DGKB: variants seen among roughly 807,000 people sequenced by gnomAD.
DGKB encodes 90 kDa diacylglycerol kinase.
In DGKB, 67 loss-of-function variants were observed where a neutral mutation model predicts 114.3. The ratio of observed to expected loss-of-function variants is 0.59; its 90% CI spans 0.48 to 0.72. The LOEUF (loss-of-function observed/expected upper bound fraction) is 0.72. Among genes scored for constraint, DGKB ranks in the 30% least tolerant of loss-of-function variants. DGKB has a pLI of 0.00. For synonymous variants in DGKB, 398 were observed against 323.1 expected (o/e 1.23, Z -2.49); for missense variants, 907 against 975.2 (o/e 0.93, Z 0.93).
chr7:14,951,088 G>C (rs1786178387), intron 1 of DGKB, among the ~76,000 whole-genome samples: 1 of 151,670 alleles, frequency 6.6e-6, no homozygotes, highest in Admixed American at 6.6e-5. Context: ...ACTAGGAATA[G>C]AAGGTAACTT....
intron 6 of DGKB, among the ~76,000 whole-genome samples, chr7:14,702,985 A>G (rs887322575): frequency 6.6e-6 from 1 of 152,238 alleles, no homozygotes; most frequent in African/African-American, 2.4e-5. Context: ...TAAGGGCAAT[A>G]ATACTAAACT....
At chr7:14,792,841 T>C (rs1840869050) in intron 2 of DGKB, among the ~76,000 whole-genome samples, 1 of 152,164 alleles carries the variant, frequency 6.6e-6, no homozygotes, top group African/African-American at 2.4e-5. Flanking sequence ...TATCTCATAA[T>C]ACTAGTCCCA....
At chr7:14,167,834 C>T (rs1784832936) in intron 25 of DGKB, among the ~76,000 whole-genome samples, 1 of 152,128 alleles carries the variant, frequency 6.6e-6, no homozygotes, top group South Asian at 2.1e-4. Context: ...ACAGCAACAA[C>T]AATAAATTAA....
rs75012628 is a variant in DGKB at position 14,630,466 on chromosome 7, G to A, written c.1135-198C>T. On this transcript the variant is annotated intron_variant, in intron 13 of 25. Coordinates refer to ENST00000402815, the MANE Select transcript of DGKB (RefSeq NM_001350709.2). ...TGAATAAGAAATTATCTAACACAGA[G>A]TGGGTTAGGTTGTGAAATTATTTAT... Among the ~76,000 whole-genome samples the A allele has an allele frequency of 3.2e-3, 491 of 152,114 alleles. 9 individuals are homozygous for A. In the East Asian group the frequency reaches 0.038, roughly 12 times the overall value.
intron 23 of DGKB, among the ~76,000 whole-genome samples, chr7:14,296,518 C>A (rs1213643735): frequency 6.6e-6 from 1 of 152,050 alleles, no homozygotes. Context: ...GGGTATATAG[C>A]CACTAATGGG....
chr7:14,256,763 G>T (rs530668354), intron 23 of DGKB, among the ~76,000 whole-genome samples: 2 of 152,260 alleles, frequency 1.3e-5, no homozygotes, highest in Admixed American at 6.5e-5. Flanking sequence ...AAAATAAATA[G>T]TAGCATCAAG....
intron 20 of DGKB, among the ~76,000 whole-genome samples, chr7:14,538,622 C>T (rs924932715): frequency 6.6e-6 from 1 of 152,086 alleles, no homozygotes; most frequent in Non-Finnish European, 1.5e-5. Context: ...CTAGTGATCC[C>T]ACTTTTGAAT....
At position 14,841,370 on chromosome 7, in the gene DGKB, A is replaced by ATC; in HGVS notation, c.-108_-107insGA. The ATC allele has an allele frequency of 2.2e-6, 2 of 911,002 alleles. No individual in the cohort carries two copies. Among genetic ancestry groups the ATC allele is most frequent in the Admixed American group, 2.7e-5 (1 of 37,280 alleles). The allele number at this position is 911,002 out of a possible 1,614,324, so 56.4% of individuals were successfully genotyped here. ...TCCACATGGCATGTTTCATGATAAA[A>ATC]TACCTCAGGCTTTCAAAATATGCAA... On this transcript the variant is annotated 5_prime_UTR_variant, in exon 2 of 26. Coordinates refer to ENST00000402815, the MANE Select transcript of DGKB (RefSeq NM_001350709.2).
intron 6 of DGKB, among the ~76,000 whole-genome samples, chr7:14,703,160 T>C (rs1403776500): frequency 6.6e-6 from 1 of 152,186 alleles, no homozygotes; most frequent in Admixed American, 6.5e-5. Flanking sequence ...TCTTTGTAAG[T>C]GGCAAGAATT....
rs547102522 is a variant in DGKB, at chr7:14,801,944, A to G, written c.70+39250T>C. On this transcript the variant is annotated intron_variant, in intron 2 of 25. Transcript: ENST00000402815. ...TACATATACACACACACACACACAC[A>G]CACGCACACACATATACCCCACACA... Among the ~76,000 whole-genome samples the G allele has an allele frequency of 4.0e-5, 6 of 151,662 alleles. No homozygotes were observed. The South Asian group carries it at 1.3e-3, about 32-fold the overall frequency.
chr7:14,464,003 T>C (rs534351571), intron 21 of DGKB, among the ~76,000 whole-genome samples: 1 of 151,838 alleles, frequency 6.6e-6, no homozygotes, highest in Non-Finnish European at 1.5e-5. Flanking sequence ...TTAGTGATAT[T>C]AGCTTAAGTT....
chr7:14,953,137 C>T (rs1786302151), intron 1 of DGKB, among the ~76,000 whole-genome samples: 1 of 151,938 alleles, frequency 6.6e-6, no homozygotes, highest in Admixed American at 6.6e-5. Context: ...AAATTTCTGA[C>T]ATTGGATTTG....
chr7:14,717,555 A>T (rs1476102592), intron 6 of DGKB, among the ~76,000 whole-genome samples: 1 of 152,160 alleles, frequency 6.6e-6, no homozygotes, highest in Non-Finnish European at 1.5e-5. Context: ...GTGACTCTTA[A>T]ATAATCACAT....
At chr7:14,663,261 G>A (rs759827732) in intron 13 of DGKB, among the ~76,000 whole-genome samples, 17 of 151,990 alleles carry the variant, frequency 1.1e-4, no homozygotes, top group Non-Finnish European at 2.1e-4. Flanking sequence ...AGTGTCTGGT[G>A]TTATCTCCTG....
intron 21 of DGKB, among the ~76,000 whole-genome samples, chr7:14,357,843 C>T (rs550740729): frequency 6.6e-6 from 1 of 152,214 alleles, no homozygotes; most frequent in South Asian, 2.1e-4. Context: ...TTTTATTTCT[C>T]CTTCACTTAT....
intron 23 of DGKB, among the ~76,000 whole-genome samples, chr7:14,276,147 A>G (rs926476899): frequency 6.6e-6 from 1 of 152,142 alleles, no homozygotes; most frequent in African/African-American, 2.4e-5. Context: ...GTTCCATGTA[A>G]TCTGCTCTGC....
intron 2 of DGKB, among the ~76,000 whole-genome samples, chr7:14,817,518 C>G (rs1468508815): frequency 2.6e-5 from 4 of 151,994 alleles, no homozygotes; most frequent in Non-Finnish European, 5.9e-5. Flanking sequence ...AGAATGGTAA[C>G]AAAGTAATTT....
chr7:14,704,058 T>A lies in DGKB; in HGVS notation c.467-2328A>T, dbSNP rs552931189. On this transcript the variant is annotated intron_variant, in intron 6 of 25. Transcript: ENST00000402815. ...GAACCCCTTTCATCCTCCCCCATCA[T>A]TATTTTTTCTTCTCTCTCCAAAGAC... is the stretch of plus-strand genomic sequence containing the variant. Among the ~76,000 whole-genome samples the A allele has an allele frequency of 5.9e-5, 8 of 136,706 alleles. No homozygotes were observed. In the South Asian group the frequency reaches 1.7e-3, roughly 28 times the overall value. 89.7% of individuals were successfully genotyped at this position (136,706 alleles called of 152,430 possible). A position where few individuals can be genotyped will look rare whatever the true frequency, so the allele number is the denominator to read the frequency against.
chr7:14,727,718 G>C (rs550260359), intron 5 of DGKB, among the ~76,000 whole-genome samples: 48 of 152,134 alleles, frequency 3.2e-4, no homozygotes, highest in African/African-American at 1.2e-3. Flanking sequence ...TTGTGTTTTG[G>C]GGACCCTGAC....
Sources: allele counts gnomAD v4.1 joint callset (sites outside exome capture counted in the v4.1 genomes callset), GRCh38; gene constraint gnomAD v4.1.1; transcripts MANE v1.5; gene names NCBI Gene and HGNC (gene_info 2026-07-23, HGNC 2026-07-21).